The following TNKS variants were observed in gnomAD, a reference collection of about 807,000 sequenced individuals.
The protein encoded by TNKS is tankyrase.
TNKS carries 72 observed loss-of-function variants against 135.8 expected under a neutral mutation model. The ratio of observed to expected loss-of-function variants is 0.53; its 90% confidence interval spans 0.44 to 0.64. TNKS has a LOEUF of 0.64. Among genes scored for constraint, TNKS ranks in the 30% least tolerant of loss-of-function variants. The probability of loss-of-function intolerance (pLI) is 0.00; values close to 1 mark genes in which losing one functional copy is unlikely to be tolerated. For synonymous variants in TNKS, 849 were observed against 649.3 expected, an observed-to-expected ratio of 1.31 and a Z score of -4.68; for missense variants, 1,769 against 1,674.0, an observed-to-expected ratio of 1.06 and a Z score of -0.99.
chr8:9,648,771 G>A (rs1256504391), intron 3 of TNKS, among the ~76,000 whole-genome samples: 1 of 152,094 alleles, frequency 6.6e-6, no homozygotes, highest in African/African-American at 2.4e-5. Context: ...ACGTCATTAT[G>A]TGGCACATGA....
intron 14 of TNKS, among the ~76,000 whole-genome samples, chr8:9,732,003 G>A (rs1224343529): frequency 6.6e-6 from 1 of 152,114 alleles, no homozygotes; most frequent in Admixed American, 6.5e-5. Context: ...TAGCCAGGAT[G>A]GTCTCAATCT....
chr8:9,757,509 G>T (rs10095667), intron 20 of TNKS, among the ~76,000 whole-genome samples: 28,993 of 152,022 alleles, frequency 0.19, 2,974 homozygotes, highest in African/African-American at 0.2. Flanking sequence ...CCTGACTGAT[G>T]AGCTCCTGCT....
chr8:9,571,571 C>T (rs1797759747), intron 1 of TNKS, among the ~76,000 whole-genome samples: 1 of 152,162 alleles, frequency 6.6e-6, no homozygotes, highest in South Asian at 2.1e-4. Context: ...CATTCTCCTG[C>T]CTCAGCCTCC....
At chr8:9,721,792 G>A (rs1263068979) in intron 12 of TNKS, among the ~76,000 whole-genome samples, 3 of 151,958 alleles carry the variant, frequency 2.0e-5, no homozygotes, top group Non-Finnish European at 4.4e-5. Context: ...GGTGGCTGAC[G>A]CCTGTAATCC....
intron 1 of TNKS, among the ~76,000 whole-genome samples, chr8:9,565,960 T>C (rs1443840057): frequency 2.0e-5 from 3 of 152,242 alleles, no homozygotes; most frequent in African/African-American, 4.8e-5. Flanking sequence ...ATATAACTTA[T>C]TATATATGTC....
Position 9,598,302 on chromosome 8 carries a change from G to A in TNKS, c.899-17280G>A, listed in dbSNP as rs558449349. ...GACCTCGTGATCCGCCTGCCTCGGC[G>A]TCCCAAAGTGCTGGGATTACAGGTG... On this transcript the variant is annotated intron_variant, in intron 2 of 26. Transcript: ENST00000310430. Among the ~76,000 whole-genome samples the A allele has an allele frequency of 3.5e-4, 53 of 151,964 alleles. 1 individual carries two copies. The South Asian group carries it at 0.01, about 29-fold the overall frequency.
At chr8:9,639,829 A>T (rs1800655934) in intron 3 of TNKS, among the ~76,000 whole-genome samples, 2 of 151,938 alleles carry the variant, frequency 1.3e-5, no homozygotes, top group South Asian at 4.2e-4. Context: ...GCTCTATTAG[A>T]CTCTTTCATT....
chr8:9,605,851 C>G (rs1440487104), intron 2 of TNKS, among the ~76,000 whole-genome samples: 1 of 151,894 alleles, frequency 6.6e-6, no homozygotes, highest in East Asian at 1.9e-4. Flanking sequence ...AGTTTTTTGT[C>G]TTACATATGT....
chr8:9,692,593 CAGAG>C (rs1210432467), intron 5 of TNKS, among the ~76,000 whole-genome samples: 3 of 152,116 alleles, frequency 2.0e-5, no homozygotes, highest in African/African-American at 7.2e-5. Flanking sequence ...GGTCCAGGAC[CAGAG>C]AGAAAGACTC....
intron 12 of TNKS, among the ~76,000 whole-genome samples, chr8:9,723,028 A>G (rs1232156389): frequency 1.3e-5 from 2 of 152,212 alleles, no homozygotes; most frequent in African/African-American, 4.8e-5. Context: ...TTTTTGAAAT[A>G]AGACATTATA....
Position 9,577,130 on chromosome 8 carries a change from C to CT in TNKS, c.674-3026dup, listed in dbSNP as rs1563396599. On this transcript the variant is annotated intron_variant, in intron 1 of 26. Transcript: ENST00000310430. ...TAACAATTCATTTTTTTTTTTGCCTCTTTGTAAAGCTTTTAAATGTGCACG... is the reference window on the plus strand; with the variant it reads ...TAACAATTCATTTTTTTTTTTGCCTCTTTTGTAAAGCTTTTAAATGTGCACG... Among the ~76,000 whole-genome samples the CT allele has an allele frequency of 3.3e-5, 5 of 150,524 alleles. No homozygotes were observed. In the South Asian group the frequency reaches 1.0e-3, roughly 31 times the overall value.
chr8:9,609,867 T>C (rs1333334180), intron 2 of TNKS, among the ~76,000 whole-genome samples: 1 of 152,200 alleles, frequency 6.6e-6, no homozygotes, highest in Non-Finnish European at 1.5e-5. Context: ...TTTTCTTTTT[T>C]TTCTTTTTGA....
chr8:9,635,121 G>T (rs946141203), intron 3 of TNKS, among the ~76,000 whole-genome samples: 1 of 151,476 alleles, frequency 6.6e-6, no homozygotes, highest in African/African-American at 2.4e-5. Context: ...AGTGAGCCGA[G>T]ACCGCGCCAC....
intron 3 of TNKS, 129 bp downstream of exon 3, chr8:9,615,806 ACTT>A: frequency 1.5e-6 from 1 of 645,916 alleles, no homozygotes; most frequent in South Asian, 2.0e-5. Context: ...ATTATCTACT[ACTT>A]TATTATTGAT....
intron 3 of TNKS, among the ~76,000 whole-genome samples, chr8:9,626,923 A>G (rs905603565): frequency 1.3e-5 from 2 of 152,216 alleles, no homozygotes; most frequent in African/African-American, 2.4e-5. Context: ...GTCTTTTTGT[A>G]TGCTAATGAG....
intron 17 of TNKS, among the ~76,000 whole-genome samples, chr8:9,740,757 A>G (rs1805901105): frequency 6.6e-6 from 1 of 151,422 alleles, no homozygotes; most frequent in Non-Finnish European, 1.5e-5. Context: ...AAATACTTCT[A>G]CCAAAGACTT....
At chr8:9,668,982 G>A (rs1802135765) in intron 3 of TNKS, among the ~76,000 whole-genome samples, 1 of 152,052 alleles carries the variant, frequency 6.6e-6, no homozygotes. Context: ...TTGAATAGGA[G>A]AATAAACTAA....
chr8:9,612,004 T>G (rs961240887), intron 2 of TNKS, among the ~76,000 whole-genome samples: 6 of 152,210 alleles, frequency 3.9e-5, no homozygotes, highest in African/African-American at 1.4e-4. Context: ...TTTGAATATT[T>G]TAGATCGTAA....
intron 2 of TNKS, among the ~76,000 whole-genome samples, chr8:9,582,314 T>G (rs1400485186): frequency 6.6e-6 from 1 of 150,840 alleles, no homozygotes; most frequent in Non-Finnish European, 1.5e-5. Flanking sequence ...GAAGCCTTGT[T>G]TTTTTTTTGT....
Sources: gnomAD v4.1 joint callset for allele counts (sites outside exome capture counted in the v4.1 genomes callset) on GRCh38, gnomAD v4.1.1 for gene constraint, MANE v1.5 for transcripts, NCBI Gene and HGNC (gene_info 2026-07-23, HGNC 2026-07-21) for gene names.